The following MALRD1 variants were observed in gnomAD, a reference collection of about 807,000 sequenced individuals.
The protein encoded by MALRD1 is MAM and LDL-receptor class A domain-containing protein 1.
MALRD1 carries 247 observed loss-of-function variants against 242.1 expected under a neutral mutation model. That is an observed-to-expected ratio of 1.02 (90% CI 0.92 to 1.13). The LOEUF (loss-of-function observed/expected upper bound fraction) is 1.13. MALRD1 is among the 50% of genes most tolerant of loss of function. The pLI is 0.00. For synonymous variants in MALRD1, 995 were observed against 866.6 expected (o/e 1.15, Z -2.60); for missense variants, 2,989 against 2,533.1 (o/e 1.18, Z -3.86).
chr10:19,588,909 C>G (rs889888135), intron 33 of MALRD1, among the ~76,000 whole-genome samples: 2 of 152,156 alleles, frequency 1.3e-5, no homozygotes, highest in African/African-American at 4.8e-5. Context: ...TTCCAAAGTG[C>G]CAGGATTACA....
rs1564492572 is a variant in MALRD1, at chr10:19,238,469, A to AT, written c.2992-19214dup. On this transcript the variant is annotated intron_variant, in intron 18 of 39. Coordinates refer to ENST00000454679, the MANE Select transcript of MALRD1 (RefSeq NM_001142308.3). ...TACATTATATATAATATATAATATAATATATAATATACATTATATATAATA... is the reference window on the plus strand; with the variant it reads ...TACATTATATATAATATATAATATAATTATATAATATACATTATATATAATA... Among the ~76,000 whole-genome samples, 4 of 33,554 alleles carry AT rather than the reference A, an allele frequency of 1.2e-4. 1 individual carries two copies. Among genetic ancestry groups the AT allele is most frequent in the African/African-American group, 2.0e-4 (1 of 5,006 alleles). The allele number at this position is 33,554 out of a possible 152,430, so 22.0% of individuals were successfully genotyped here.
intron 39 of MALRD1, among the ~76,000 whole-genome samples, chr10:19,732,251 A>G (rs547418324): frequency 6.6e-6 from 1 of 152,238 alleles, no homozygotes; most frequent in South Asian, 2.1e-4. Flanking sequence ...TTTACTGGAG[A>G]AAGAAAATCT....
chr10:19,319,631 C>T (rs997293199), intron 21 of MALRD1, among the ~76,000 whole-genome samples: 3 of 151,976 alleles, frequency 2.0e-5, no homozygotes, highest in Admixed American at 6.6e-5. Flanking sequence ...ATGGTGCTGG[C>T]GGAATTGGTA....
At chr10:19,389,372 G>T (rs771734403) in intron 27 of MALRD1, 80 bp from the exon 28 acceptor site, 3 of 1,396,264 alleles carry the variant, frequency 2.1e-6, no homozygotes, top group Non-Finnish European at 2.0e-6. Flanking sequence ...TGTAATTAAA[G>T]ACCCTAACTA....
At position 19,412,992 on chromosome 10, in the gene MALRD1, CTT is replaced by C. The variant is rs1437367001; in HGVS notation, c.4845+23385_4845+23386del. Among the ~76,000 whole-genome samples, 5 of 152,030 alleles carry C rather than the reference CTT, an allele frequency of 3.3e-5. 1 individual carries two copies. Among genetic ancestry groups the C allele is most frequent in the African/African-American group, 1.2e-4 (5 of 41,468 alleles). ...CTATATGATGTATTTTATAACATAA[CTT>C]TATTCTTAAAAATTGAATCTCTTTA... is the stretch of plus-strand genomic sequence containing the variant. On this transcript the variant is annotated intron_variant, in intron 28 of 39. Coordinates refer to ENST00000454679, the MANE Select transcript of MALRD1 (RefSeq NM_001142308.3).
chr10:19,123,671 A>G, intron 6 of MALRD1, 78 bp downstream of exon 6: 1 of 798,516 alleles, frequency 1.3e-6, no homozygotes, highest in Non-Finnish European at 1.7e-6. Context: ...AGGAAAGTGC[A>G]CGCGCCAACC....
intron 28 of MALRD1, among the ~76,000 whole-genome samples, chr10:19,400,659 A>T (rs780723358): frequency 1.9e-4 from 29 of 152,212 alleles, no homozygotes; most frequent in Non-Finnish European, 3.7e-4. Flanking sequence ...TTATAGACTG[A>T]AAGTGTTTAG....
chr10:19,157,209 C>T (rs1340649453), intron 12 of MALRD1, among the ~76,000 whole-genome samples: 4 of 151,216 alleles, frequency 2.6e-5, no homozygotes, highest in Non-Finnish European at 5.9e-5. Context: ...TTTTCTAAGA[C>T]TATAATATGA....
At chr10:19,556,426 C>T (rs1016047945) in intron 32 of MALRD1, among the ~76,000 whole-genome samples, 1 of 152,066 alleles carries the variant, frequency 6.6e-6, no homozygotes, top group African/African-American at 2.4e-5. Flanking sequence ...TTTGCTCCAC[C>T]TATTTATCCC....
Position 19,708,909 on chromosome 10 carries a change from C to T in MALRD1, c.6314+16355C>T, listed in dbSNP as rs200483536. On this transcript the variant is annotated intron_variant, in intron 38 of 39. Coordinates refer to ENST00000454679, the MANE Select transcript of MALRD1 (RefSeq NM_001142308.3). ...AACTCCTGACTTCAGGTGATCTGCC[C>T]GCCTCGGCCTCCCAAAGTGCTGGGA... is the stretch of plus-strand genomic sequence containing the variant. 8.9e-4 allele frequency among the ~76,000 whole-genome samples: 108 copies of T among 121,654 alleles called. 27 individuals are homozygous for T. The East Asian group carries it at 0.02, about 22-fold the overall frequency. 79.8% of individuals were successfully genotyped at this position (121,654 alleles called of 152,430 possible). A position where few individuals can be genotyped will look rare whatever the true frequency, so the allele number is the denominator to read the frequency against.
chr10:19,274,712 A>G, intron 19 of MALRD1, among the ~76,000 whole-genome samples: 1 of 152,198 alleles, frequency 6.6e-6, no homozygotes, highest in East Asian at 1.9e-4. Context: ...GCTAAGCTAA[A>G]TAAGCCAGTC....
At chr10:19,647,008 TA>T (rs1241286781) in intron 36 of MALRD1, among the ~76,000 whole-genome samples, 3 of 152,274 alleles carry the variant, frequency 2.0e-5, no homozygotes, top group African/African-American at 7.2e-5. Flanking sequence ...GAGATCACTT[TA>T]AAAAGCTGGA....
intron 32 of MALRD1, among the ~76,000 whole-genome samples, chr10:19,553,491 A>T (rs1349762501): frequency 6.6e-6 from 1 of 152,108 alleles, no homozygotes; most frequent in African/African-American, 2.4e-5. Context: ...ACTGTGTTTT[A>T]AAAAATTTTA....
In MALRD1 at chr10:19,459,705, A is replaced by C. The variant is rs151328778; in HGVS notation, c.5029+9215A>C. 6.0e-3 allele frequency among the ~76,000 whole-genome samples: 912 copies of C among 152,122 alleles called. 11 individuals carry two copies. The highest frequency in any genetic ancestry group is 0.021 in the African/African-American group (883 of 41,564). On this transcript the variant is annotated intron_variant, in intron 29 of 39. Transcript: ENST00000454679. Reference sequence around the variant, plus strand: ...CCTTGAAATCATCAAATACTGCTTTATCTCTCAATAAAATTAAGAGAATTA... The same window carrying C: ...CCTTGAAATCATCAAATACTGCTTTCTCTCTCAATAAAATTAAGAGAATTA...
chr10:19,204,157 CA>C (rs1248506034), intron 15 of MALRD1, among the ~76,000 whole-genome samples, 150 bp from the exon 16 acceptor site: 1 of 151,948 alleles, frequency 6.6e-6, no homozygotes, highest in Non-Finnish European at 1.5e-5. Context: ...TTTATCAGAA[CA>C]AATTTGACTA....
At chr10:19,295,918 G>A (rs1841671105) in intron 21 of MALRD1, among the ~76,000 whole-genome samples, 1 of 152,144 alleles carries the variant, frequency 6.6e-6, no homozygotes, top group Non-Finnish European at 1.5e-5. Flanking sequence ...CCCAGGTGAT[G>A]CTGATGCTAC....
chr10:19,542,290 C>T (rs1194900069), intron 32 of MALRD1, among the ~76,000 whole-genome samples: 1 of 152,064 alleles, frequency 6.6e-6, no homozygotes, highest in Non-Finnish European at 1.5e-5. Context: ...GCTCAAGTAA[C>T]TTTTCTTTTA....
At chr10:19,062,617 C>A (rs1452008837) in intron 1 of MALRD1, among the ~76,000 whole-genome samples, 1 of 152,170 alleles carries the variant, frequency 6.6e-6, no homozygotes, top group African/African-American at 2.4e-5. Flanking sequence ...GTGAAATAAG[C>A]AACTCACATA....
chr10:19,444,296 G>T (rs985306115), intron 28 of MALRD1, among the ~76,000 whole-genome samples: 4 of 152,012 alleles, frequency 2.6e-5, no homozygotes, highest in Non-Finnish European at 5.9e-5. Flanking sequence ...TTGGAACATT[G>T]AGCCCATTTA....
Sources: allele counts gnomAD v4.1 joint callset (sites outside exome capture counted in the v4.1 genomes callset), GRCh38; gene constraint gnomAD v4.1.1; transcripts MANE v1.5; gene names NCBI Gene and HGNC (gene_info 2026-07-23, HGNC 2026-07-21).